Variants in CYP39A1 observed in about 807,000 individuals in gnomAD.
The protein encoded by CYP39A1 is 24-hydroxycholesterol 7-alpha-hydroxylase.
Under a neutral mutation model 58.1 loss-of-function variants are expected in CYP39A1, and 49 were observed. That is an observed-to-expected ratio of 0.84 (90% CI 0.67 to 1.07). The LOEUF (loss-of-function observed/expected upper bound fraction) is 1.07, where lower values mean the gene tolerates loss of function less well. Among genes scored for constraint, CYP39A1 ranks in the 50% least tolerant of loss-of-function variants. The probability of loss-of-function intolerance (pLI) is 0.00; values close to 1 mark genes in which losing one functional copy is unlikely to be tolerated. For missense variants in CYP39A1, 531 were observed against 539.4 expected (o/e 0.98, Z 0.16); for synonymous variants, 209 against 187.6 (o/e 1.11, Z -0.93).
At chr6:46,580,503 G>T (rs1257701936) in intron 10 of CYP39A1, among the ~76,000 whole-genome samples, 1 of 152,126 alleles carries the variant, frequency 6.6e-6, no homozygotes, top group South Asian at 2.1e-4. Context: ...AAATAGACAG[G>T]TGGGACCTAA....
At chr6:46,596,649 G>A (rs1024857435) in intron 7 of CYP39A1, among the ~76,000 whole-genome samples, 13 of 151,824 alleles carry the variant, frequency 8.6e-5, no homozygotes, top group Non-Finnish European at 1.5e-4. Context: ...CTGGAAGAAT[G>A]AAGATGCCCT....
chr6:46,605,754 C>G (rs1003511808), intron 7 of CYP39A1, among the ~76,000 whole-genome samples: 1 of 152,154 alleles, frequency 6.6e-6, no homozygotes, highest in Non-Finnish European at 1.5e-5. Flanking sequence ...GTGGTTCCAG[C>G]AAGCTAGGGC....
At chr6:46,567,876 C>T (rs1019547377) in intron 10 of CYP39A1, among the ~76,000 whole-genome samples, 1 of 152,102 alleles carries the variant, frequency 6.6e-6, no homozygotes, top group African/African-American at 2.4e-5. Flanking sequence ...CTGGCAGCAT[C>T]TTACAAGAGC....
chr6:46,635,419 G>A (rs1465440959), intron 5 of CYP39A1, among the ~76,000 whole-genome samples: 2 of 152,100 alleles, frequency 1.3e-5, no homozygotes. Context: ...GGCAGACCCT[G>A]GCCTCAGACA....
Position 46,637,716 on chromosome 6 carries a change from G to A in CYP39A1, c.638+113C>T, listed in dbSNP as rs558318198. 6.3e-5 allele frequency: 69 copies of A among 1,099,264 alleles called. No individual in the cohort carries two copies. In the African/African-American group the frequency reaches 8.4e-4, roughly 13 times the overall value. 68.1% of individuals were successfully genotyped at this position (1,099,264 alleles called of 1,614,324 possible). A position where few individuals can be genotyped will look rare whatever the true frequency, so the allele number is the denominator to read the frequency against. On this transcript the variant is annotated intron_variant, in intron 4 of 11. Coordinates refer to ENST00000275016, the MANE Select transcript of CYP39A1 (RefSeq NM_016593.5). Reference sequence around the variant, plus strand: ...CAAAAACAAACAGGTCATAAGAAACGGCTTCTCTCCCACTTAAACTGCTGT... The same window carrying A: ...CAAAAACAAACAGGTCATAAGAAACAGCTTCTCTCCCACTTAAACTGCTGT...
At chr6:46,586,340 C>A in intron 10 of CYP39A1, 1 of 984,532 alleles carries the variant, frequency 1.0e-6, no homozygotes, top group Non-Finnish European at 1.2e-6. Context: ...CAGGTACTGA[C>A]ATTTCCCCTA....
At chr6:46,550,586 T>C in intron 11 of CYP39A1, 149 bp from the exon 12 acceptor site, 1 of 602,796 alleles carries the variant, frequency 1.7e-6, no homozygotes, top group Non-Finnish European at 2.9e-6. Flanking sequence ...AACTTCACAA[T>C]ATCCAACATC....
intron 7 of CYP39A1, among the ~76,000 whole-genome samples, chr6:46,611,703 T>C (rs1774221094): frequency 1.3e-5 from 2 of 152,058 alleles, no homozygotes; most frequent in African/African-American, 4.8e-5. Context: ...AAGGATATAG[T>C]CCAATACATG....
At position 46,652,619 on chromosome 6, in the gene CYP39A1, G is replaced by A. The variant is rs761127213; in HGVS notation, c.-37C>T. 2.6e-6 allele frequency: 4 copies of A among 1,541,330 alleles called. No individual in the cohort carries two copies. Among genetic ancestry groups the A allele is most frequent in the Non-Finnish European group, 2.6e-6 (3 of 1,143,722 alleles). ...GCACCTTCCAGAAGCAGAAAAGTGT[G>A]AAACAGTCCTGCCGTCCCTTGCTTC... On this transcript the variant is annotated 5_prime_UTR_variant, in exon 1 of 12. Coordinates refer to ENST00000275016, the MANE Select transcript of CYP39A1 (RefSeq NM_016593.5).
intron 10 of CYP39A1, among the ~76,000 whole-genome samples, chr6:46,564,165 A>C (rs1392243344): frequency 8.0e-6 from 1 of 124,912 alleles, no homozygotes; most frequent in Admixed American, 8.2e-5. Flanking sequence ...ATTTTATTCT[A>C]TTTTATTCTA....
chr6:46,647,823 T>C (rs1053429620), intron 1 of CYP39A1, among the ~76,000 whole-genome samples: 1 of 152,158 alleles, frequency 6.6e-6, no homozygotes, highest in Non-Finnish European at 1.5e-5. Flanking sequence ...TTTGATGGGG[T>C]TGTTTTTTTC....
chr6:46,614,818 G>T (rs764330481), intron 7 of CYP39A1, among the ~76,000 whole-genome samples: 1 of 152,142 alleles, frequency 6.6e-6, no homozygotes. Flanking sequence ...AGGCTTGAAG[G>T]ATGCATAGCC....
intron 7 of CYP39A1, among the ~76,000 whole-genome samples, chr6:46,624,836 T>C (rs992270431): frequency 3.3e-5 from 5 of 152,190 alleles, no homozygotes; most frequent in Non-Finnish European, 7.4e-5. Context: ...AGATGATAAA[T>C]AAACAGCTGA....
chr6:46,638,015 A>C (rs763668626), intron 3 of CYP39A1, 37 bp from the exon 4 acceptor site: 10 of 1,569,908 alleles, frequency 6.4e-6, no homozygotes, highest in Non-Finnish European at 7.7e-6. Context: ...TCAGACCCGA[A>C]GACCAAAGAA....
chr6:46,558,701 A>G (rs4714947), intron 10 of CYP39A1, among the ~76,000 whole-genome samples: 14,123 of 152,202 alleles, frequency 0.093, 1,135 homozygotes, highest in African/African-American at 0.19. Context: ...TGCATTAGGA[A>G]AAAAGGTGAT....
At position 46,652,773 on chromosome 6, in the gene CYP39A1, C is replaced by T. The variant is rs977189925; in HGVS notation, c.-191G>A. The T allele has an allele frequency of 1.3e-5, 7 of 526,078 alleles. No individual in the cohort carries two copies. The highest frequency in any genetic ancestry group is 3.2e-5 in the East Asian group (1 of 30,940). 32.6% of individuals were successfully genotyped at this position (526,078 alleles called of 1,614,324 possible). On this transcript the variant is annotated 5_prime_UTR_variant, in exon 1 of 12. Coordinates refer to ENST00000275016, the MANE Select transcript of CYP39A1 (RefSeq NM_016593.5). ...GGTGATTTTTCCATTGTCGCTCCCTCCCACCTCCACTTCTCTTTGAATCTC... is the reference window on the plus strand; with the variant it reads ...GGTGATTTTTCCATTGTCGCTCCCTTCCACCTCCACTTCTCTTTGAATCTC...
intron 6 of CYP39A1, among the ~76,000 whole-genome samples, chr6:46,630,045 G>A (rs1309213685): frequency 3.3e-5 from 5 of 151,924 alleles, no homozygotes; most frequent in Non-Finnish European, 5.9e-5. Context: ...GCAGTGAGCC[G>A]AGATCACGCC....
At position 46,568,498 on chromosome 6, in the gene CYP39A1, C is replaced by A. The variant is rs935333111; in HGVS notation, c.1251-14644G>T. 4.8e-5 allele frequency among the ~76,000 whole-genome samples: 7 copies of A among 144,578 alleles called. No individual in the cohort carries two copies. In the East Asian group the frequency reaches 1.4e-3, roughly 29 times the overall value. 94.8% of individuals were successfully genotyped at this position (144,578 alleles called of 152,430 possible). ...CAAATCCAATGTCATAAAGCTTGTG[C>A]TCTGTTTTTCTTCTAAGATTTTTAT... On this transcript the variant is annotated intron_variant, in intron 10 of 11. Coordinates refer to ENST00000275016, the MANE Select transcript of CYP39A1 (RefSeq NM_016593.5).
intron 11 of CYP39A1, among the ~76,000 whole-genome samples, chr6:46,553,373 T>C (rs536766947): frequency 7.2e-5 from 11 of 152,354 alleles, no homozygotes; most frequent in Admixed American, 2.0e-4. Context: ...CCTTTTCAGA[T>C]GGACCAAGGG....
Sources: gnomAD v4.1 joint callset for allele counts (sites outside exome capture counted in the v4.1 genomes callset) on GRCh38, gnomAD v4.1.1 for gene constraint, MANE v1.5 for transcripts, NCBI Gene and HGNC (gene_info 2026-07-23, HGNC 2026-07-21) for gene names.